SCP2: variants seen among roughly 807,000 people sequenced by gnomAD.
The protein encoded by SCP2 is sterol carrier protein 2, also known as SCP-2/3-oxoacyl-CoA thiolase.
In SCP2, 48 loss-of-function variants were observed where a neutral mutation model predicts 71.4. That is an observed-to-expected ratio of 0.67 (90% CI 0.53 to 0.86). The LOEUF is 0.86. SCP2 is among the 40% of genes least tolerant of loss of function. The pLI, the probability that SCP2 is intolerant of heterozygous loss-of-function variation, is 0.00. For synonymous variants in SCP2, 220 were observed against 218.1 expected (o/e 1.01, Z -0.08); for missense variants, 560 against 655.6 (o/e 0.85, Z 1.59).
At chr1:53,035,798 C>G (rs920596565) in intron 13 of SCP2, among the ~76,000 whole-genome samples, 1 of 152,014 alleles carries the variant, frequency 6.6e-6, no homozygotes, top group African/African-American at 2.4e-5. Flanking sequence ...TCTTACAGCT[C>G]TGTGAGGGTA....
intron 11 of SCP2, chr1:52,994,970 G>T: frequency 1.9e-6 from 1 of 513,556 alleles, no homozygotes; most frequent in South Asian, 1.5e-5. Context: ...GGCCCTTTTG[G>T]CCAGGTGCTT....
intron 6 of SCP2, among the ~76,000 whole-genome samples, chr1:52,966,471 G>A (rs1030113112): frequency 4.0e-5 from 6 of 151,754 alleles, no homozygotes; most frequent in South Asian, 2.1e-4. Context: ...GTGTATTGCT[G>A]TTTTTAACAT....
Position 52,995,444 on chromosome 1 carries a change from G to A in SCP2, c.1081+7308G>A, listed in dbSNP as rs1572160463. The A allele has an allele frequency of 3.6e-5, 16 of 442,726 alleles. No individual in the cohort carries two copies. In the East Asian group the frequency reaches 7.9e-4, roughly 22 times the overall value. The allele number at this position is 442,726 out of a possible 1,614,324, so 27.4% of individuals were successfully genotyped here. A position where few individuals can be genotyped will look rare whatever the true frequency, so the allele number is the denominator to read the frequency against. On this transcript the variant is annotated intron_variant, in intron 11 of 15. Transcript: ENST00000371514. ...GTTACCACCTGTCTCCACTTCCCTG[G>A]CCAGCTCAATGCTGACCTCCGCAAG...
At chr1:53,004,044 A>T (rs6662480) in intron 11 of SCP2, among the ~76,000 whole-genome samples, 4 of 152,076 alleles carry the variant, frequency 2.6e-5, no homozygotes, top group Non-Finnish European at 5.9e-5. Flanking sequence ...AGCAGTACCC[A>T]TCACAGTACC....
At chr1:52,998,259 C>G (rs996339733) in intron 11 of SCP2, among the ~76,000 whole-genome samples, 1 of 152,034 alleles carries the variant, frequency 6.6e-6, no homozygotes, top group East Asian at 1.9e-4. Flanking sequence ...GGGTTGATAA[C>G]CTGGAGCAAA....
rs187395618 is a variant in SCP2, at chr1:52,997,767, C to T, written c.1081+9631C>T. Among the ~76,000 whole-genome samples the T allele has an allele frequency of 1.4e-4, 22 of 152,288 alleles. No individual in the cohort carries two copies. In the East Asian group the frequency reaches 2.5e-3, roughly 17 times the overall value. ...AACCACTGAATTATATACTTTAAAT[C>T]GATAATTGTTTTTGAAAATTATATA... On this transcript the variant is annotated intron_variant, in intron 11 of 15. Coordinates refer to ENST00000371514, the MANE Select transcript of SCP2 (RefSeq NM_002979.5).
chr1:52,983,180 T>C (rs1303849111), intron 10 of SCP2, among the ~76,000 whole-genome samples: 1 of 152,218 alleles, frequency 6.6e-6, no homozygotes, highest in African/African-American at 2.4e-5. Context: ...ACCGCCATAG[T>C]TTCTAACGAG....
At chr1:52,943,268 G>C (rs1222113686) in intron 2 of SCP2, among the ~76,000 whole-genome samples, 1 of 151,484 alleles carries the variant, frequency 6.6e-6, no homozygotes, top group African/African-American at 2.4e-5. Context: ...TGTCGCCCAG[G>C]CTGGAGTGCA....
chr1:52,972,663 T>C (rs1319974480), intron 6 of SCP2, among the ~76,000 whole-genome samples: 2 of 152,246 alleles, frequency 1.3e-5, no homozygotes, highest in African/African-American at 2.4e-5. Context: ...CTTTTTCATG[T>C]TGAACCCAAA....
chr1:53,047,723 T>C, intron 14 of SCP2, 135 bp from the exon 15 acceptor site: 1 of 689,072 alleles, frequency 1.5e-6, no homozygotes, highest in Admixed American at 2.0e-5. Context: ...CATAGAAGTA[T>C]ATGTGAGTGC....
At chr1:53,018,991 G>A (rs1661533353) in intron 12 of SCP2, among the ~76,000 whole-genome samples, 1 of 152,082 alleles carries the variant, frequency 6.6e-6, no homozygotes, top group Non-Finnish European at 1.5e-5. Context: ...AAGAGTGCAA[G>A]TATATTCTTT....
intron 4 of SCP2, among the ~76,000 whole-genome samples, chr1:52,954,082 G>A (rs1010499246): frequency 6.6e-6 from 1 of 150,544 alleles, no homozygotes; most frequent in African/African-American, 2.4e-5. Context: ...AGGTCGGGGT[G>A]GACAGATCGC....
intron 10 of SCP2, among the ~76,000 whole-genome samples, chr1:52,986,986 GTATATA>G (rs1222189292): frequency 2.4e-4 from 24 of 101,416 alleles, no homozygotes; most frequent in African/African-American, 7.8e-4. Flanking sequence ...TTTTTCTTCT[GTATATA>G]TATATATATA....
chr1:53,029,255 G>C (rs17107656), intron 13 of SCP2, among the ~76,000 whole-genome samples: 20,636 of 150,598 alleles, frequency 0.14, 2,015 homozygotes, highest in East Asian at 0.32. Context: ...AGAATCTTGG[G>C]ATCTCTTTCT....
intron 1 of SCP2, among the ~76,000 whole-genome samples, chr1:52,934,340 A>G (rs914558279): frequency 1.3e-5 from 2 of 152,010 alleles, no homozygotes; most frequent in South Asian, 4.1e-4. Flanking sequence ...TTTTAACGGG[A>G]CAGGTAATAT....
At chr1:53,022,892 T>A (rs7546714) in intron 12 of SCP2, among the ~76,000 whole-genome samples, 48,077 of 152,022 alleles carry the variant, frequency 0.32, 12,711 homozygotes, top group African/African-American at 0.72. Flanking sequence ...GCTGAGTAGG[T>A]TATTTGCTGG....
At chr1:53,037,904 A>ACACACACACACCCCCC (rs1311083453) in intron 13 of SCP2, among the ~76,000 whole-genome samples, 14 of 127,312 alleles carry the variant, frequency 1.1e-4, no homozygotes, top group African/African-American at 4.6e-4. Context: ...ACACACACAC[A>ACACACACACACCCCCC]CACACACACA....
At chr1:52,944,826 T>C (rs1054770964) in intron 2 of SCP2, among the ~76,000 whole-genome samples, 1 of 151,884 alleles carries the variant, frequency 6.6e-6, no homozygotes, top group Non-Finnish European at 1.5e-5. Context: ...TTTGTATTTT[T>C]AGTAAAGATG....
chr1:53,036,625 T>A, intron 13 of SCP2, among the ~76,000 whole-genome samples: 1 of 150,022 alleles, frequency 6.7e-6, no homozygotes, highest in East Asian at 1.9e-4. Flanking sequence ...TTTTTCTGTT[T>A]AATATAATTA....
Sources: allele counts gnomAD v4.1 joint callset (sites outside exome capture counted in the v4.1 genomes callset), GRCh38; gene constraint gnomAD v4.1.1; transcripts MANE v1.5; gene names NCBI Gene and HGNC (gene_info 2026-07-23, HGNC 2026-07-21).